Variants in IFIT3 observed in about 807,000 individuals in gnomAD.
IFIT3 encodes the protein interferon induced protein with tetratricopeptide repeats 3.
In IFIT3, 2 loss-of-function variants were observed where a neutral mutation model predicts 2.4. That is an observed-to-expected ratio of 0.82 (90% CI 0.34 to 2.60). The LOEUF (loss-of-function observed/expected upper bound fraction) is 2.60, where lower values mean the gene tolerates loss of function less well. IFIT3 is among the 30% of genes most tolerant of loss of function. The pLI, the probability that IFIT3 is intolerant of heterozygous loss-of-function variation, is 0.11. For synonymous variants in IFIT3, 203 were observed against 212.1 expected, an observed-to-expected ratio of 0.96 and a Z score of 0.37; for missense variants, 481 against 562.4, an observed-to-expected ratio of 0.86 and a Z score of 1.46.
At chr10:89,332,940 A>T (rs1195971561) in intron 1 of IFIT3, among the ~76,000 whole-genome samples, 1 of 152,200 alleles carries the variant, frequency 6.6e-6, no homozygotes, top group Non-Finnish European at 1.5e-5. Flanking sequence ...GAGGGAAGTT[A>T]CTGGAGGTTC....
At chr10:89,328,265 GCTT>G (rs1238103640) in intron 1 of IFIT3, among the ~76,000 whole-genome samples, 187 bp downstream of exon 1, 3 of 152,146 alleles carry the variant, frequency 2.0e-5, no homozygotes, top group Non-Finnish European at 4.4e-5. Flanking sequence ...GTACACACAG[GCTT>G]CTTAAGTTTC....
chr10:89,333,674 A>G (rs996357299), intron 1 of IFIT3, among the ~76,000 whole-genome samples: 1 of 152,220 alleles, frequency 6.6e-6, no homozygotes. Flanking sequence ...CAAAAAAACA[A>G]AAATAAAATA....
intron 1 of IFIT3, chr10:89,332,753 T>A: frequency 1.0e-6 from 1 of 997,436 alleles, no homozygotes; most frequent in Non-Finnish European, 1.6e-6. Context: ...AAATCTGCCT[T>A]ACCAATTCAT....
intron 1 of IFIT3, 22 bp downstream of exon 1, chr10:89,328,100 A>T (rs1306895987): frequency 6.2e-7 from 1 of 1,612,978 alleles, no homozygotes; most frequent in Non-Finnish European, 8.5e-7. Context: ...AAGAATGCAT[A>T]ATCATGCTTG....
At chr10:89,330,408 A>G (rs1045260582) in intron 1 of IFIT3, among the ~76,000 whole-genome samples, 1 of 152,244 alleles carries the variant, frequency 6.6e-6, no homozygotes, top group African/African-American at 2.4e-5. Context: ...TCTATGCCCA[A>G]TGGCCAAAAG....
At chr10:89,331,507 A>G (rs1359221295) in intron 1 of IFIT3, among the ~76,000 whole-genome samples, 1 of 152,092 alleles carries the variant, frequency 6.6e-6, no homozygotes, top group East Asian at 1.9e-4. Context: ...ATACAGATAT[A>G]CAATTTGATT....
At chr10:89,334,329 C>T (rs999346356) in intron 1 of IFIT3, among the ~76,000 whole-genome samples, 28 of 151,834 alleles carry the variant, frequency 1.8e-4, no homozygotes, top group Non-Finnish European at 3.4e-4. Flanking sequence ...GTCTGCAATC[C>T]GAGGTCATGG....
At position 89,339,919 on chromosome 10, in the gene IFIT3, G is replaced by A. The variant is rs774056715; in HGVS notation, c.1264G>A (p.Gly422Arg). Residue 422 changes from glycine (G) to arginine (R), a missense_variant, in exon 2 of 2, where the codon GGA becomes AGA. Coordinates refer to ENST00000371818, the MANE Select transcript of IFIT3 (RefSeq NM_001549.6). ...QNAPNYWYLQ[G>R]LIHKQNGDLL... ...TGCACCAAATTATTGGTATCTTCAA[G>A]GATTAATTCATAAGCAGAATGGAGA... 1.2e-6 allele frequency: 2 copies of A among 1,614,026 alleles called. No individual in the cohort carries two copies. Among genetic ancestry groups the A allele is most frequent in the Non-Finnish European group, 1.7e-6 (2 of 1,179,998 alleles).
chr10:89,333,299 T>C (rs1018693501), intron 1 of IFIT3, among the ~76,000 whole-genome samples: 2 of 152,196 alleles, frequency 1.3e-5, no homozygotes, highest in African/African-American at 4.8e-5. Context: ...TGCAAATTTC[T>C]AGGTCCTGCA....
At chr10:89,338,580 A>C (rs1467283479) in intron 1 of IFIT3, 81 bp from the exon 2 acceptor site, 26 of 1,343,560 alleles carry the variant, frequency 1.9e-5, no homozygotes, top group Non-Finnish European at 2.6e-5. Flanking sequence ...GGCCCAGTTC[A>C]ATTGACATAT....
chr10:89,330,409 T>G (rs1465960702), intron 1 of IFIT3, among the ~76,000 whole-genome samples: 1 of 152,208 alleles, frequency 6.6e-6, no homozygotes, highest in Admixed American at 6.5e-5. Context: ...CTATGCCCAA[T>G]GGCCAAAAGG....
At chr10:89,334,569 C>T (rs1450766085) in intron 1 of IFIT3, among the ~76,000 whole-genome samples, 1 of 90,796 alleles carries the variant, frequency 1.1e-5, no homozygotes, top group Non-Finnish European at 1.8e-5. Context: ...GATCTTGGCT[C>T]ACTGCAACCT....
At chr10:89,328,664 C>T (rs1257629232) in intron 1 of IFIT3, among the ~76,000 whole-genome samples, 1 of 152,174 alleles carries the variant, frequency 6.6e-6, no homozygotes, top group East Asian at 1.9e-4. Context: ...TACAAATGGG[C>T]ATTTTTGTCA....
rs372118641 is a variant in IFIT3 at position 89,335,932 on chromosome 10, C to T, written c.6-2729C>T. On this transcript the variant is annotated intron_variant, in intron 1 of 1. Transcript: ENST00000371818. ...AAATAATTGCTAACTTGACTTTTGA[C>T]TTGTAGTCCTTCATACAGGGTAGTT... is the stretch of plus-strand genomic sequence containing the variant. 4.1e-4 allele frequency among the ~76,000 whole-genome samples: 63 copies of T among 152,214 alleles called. No homozygotes were observed. The East Asian group carries it at 6.8e-3, about 16-fold the overall frequency.
At chr10:89,336,752 T>A (rs1354305481) in intron 1 of IFIT3, among the ~76,000 whole-genome samples, 1 of 134,710 alleles carries the variant, frequency 7.4e-6, no homozygotes, top group Non-Finnish European at 1.5e-5. Flanking sequence ...GGTTCATAAC[T>A]TTTTTTCTGA....
chr10:89,335,169 A>C (rs1843715710), intron 1 of IFIT3, among the ~76,000 whole-genome samples: 1 of 152,186 alleles, frequency 6.6e-6, no homozygotes, highest in Non-Finnish European at 1.5e-5. Context: ...AAAAATCAAG[A>C]GAATCAAGGG....
At chr10:89,334,318 T>C (rs887586466) in intron 1 of IFIT3, among the ~76,000 whole-genome samples, 10 of 151,992 alleles carry the variant, frequency 6.6e-5, no homozygotes, top group African/African-American at 2.4e-4. Flanking sequence ...CGAAATCTTA[T>C]GTCTGCAATC....
chr10:89,333,194 G>A (rs1433093842), intron 1 of IFIT3, among the ~76,000 whole-genome samples: 3 of 152,132 alleles, frequency 2.0e-5, no homozygotes, highest in African/African-American at 4.8e-5. Context: ...AGCCTCCCAC[G>A]TGATCAATGA....
intron 1 of IFIT3, among the ~76,000 whole-genome samples, chr10:89,330,809 A>G (rs1305597725): frequency 6.6e-6 from 1 of 152,204 alleles, no homozygotes; most frequent in Admixed American, 6.5e-5. Context: ...AAAGGGGAAA[A>G]CTGCTTTTTA....
Sources: gnomAD v4.1 joint callset for allele counts (sites outside exome capture counted in the v4.1 genomes callset) on GRCh38, gnomAD v4.1.1 for gene constraint, MANE v1.5 for transcripts, NCBI Gene and HGNC (gene_info 2026-07-23, HGNC 2026-07-21) for gene names.